Variants in LRRC59 observed in about 807,000 individuals in gnomAD.
The protein encoded by LRRC59 is leucine rich repeat containing 59.
A neutral mutation model predicts 33.5 loss-of-function variants in LRRC59; 18 were observed. That is an observed-to-expected ratio of 0.54 (90% confidence interval 0.37 to 0.80). The LOEUF is 0.80. Ranked by LOEUF, LRRC59 falls within the 30% of genes least tolerant of loss-of-function variation. The pLI, the probability that LRRC59 is intolerant of heterozygous loss-of-function variation, is 0.00. For missense variants in LRRC59, 330 were observed against 391.9 expected (o/e 0.84, Z 1.33); for synonymous variants, 138 against 160.0 (o/e 0.86, Z 1.04).
In LRRC59 at chr17:50,388,044, A is replaced by C. The variant is rs374565084; in HGVS notation, c.502+16T>G. The stretch of plus-strand genomic sequence containing the variant: ...TGAGGACCTGAAAGATAACTACAAG[A>C]GGGACAGCCACCTACCACGTTCTAC... On this transcript the variant is annotated intron_variant, in intron 5 of 6. Transcript: ENST00000225972. 1.4e-5 allele frequency: 22 copies of C among 1,613,740 alleles called. No homozygotes were observed. The African/African-American group carries it at 2.7e-4, about 20-fold the overall frequency.
rs200896643 is a variant in LRRC59 at position 50,397,351 on chromosome 17, G to A, written c.-34C>T. On this transcript the variant is annotated 5_prime_UTR_variant, in exon 1 of 7. Transcript: ENST00000225972. ...CGGCTGAGCGGGCCCCGGCTCCGGGGTTCCGGCGGGTGAAAGGAGCTGAAA... is the reference window on the plus strand; with the variant it reads ...CGGCTGAGCGGGCCCCGGCTCCGGGATTCCGGCGGGTGAAAGGAGCTGAAA... The A allele has an allele frequency of 1.7e-4, 259 of 1,550,044 alleles. 3 individuals are homozygous for A. The Admixed American group carries it at 4.5e-3, about 27-fold the overall frequency.
In LRRC59 at chr17:50,382,626, C is replaced by T. The variant is rs562141195; in HGVS notation, c.*362G>A. On this transcript the variant is annotated 3_prime_UTR_variant, in exon 7 of 7. Coordinates refer to ENST00000225972, the MANE Select transcript of LRRC59 (RefSeq NM_018509.4). ...GAGGAATGAAAGGGTTTGTGGCATA[C>T]AAAAGTATAAATGTAGTGACAGCTG... The T allele has an allele frequency of 8.0e-6, 2 of 250,416 alleles. No homozygotes were observed. Among genetic ancestry groups the T allele is most frequent in the Non-Finnish European group, 1.6e-5 (2 of 128,144 alleles). 15.5% of individuals were successfully genotyped at this position (250,416 alleles called of 1,614,324 possible).
intron 4 of LRRC59, among the ~76,000 whole-genome samples, chr17:50,391,377 A>G (rs1464351701): frequency 1.3e-5 from 2 of 152,212 alleles, no homozygotes; most frequent in African/African-American, 4.8e-5. Flanking sequence ...CTTACTCTCT[A>G]CTTGAGACAG....
intron 1 of LRRC59, 91 bp downstream of exon 1, chr17:50,397,122 G>A: frequency 1.0e-6 from 1 of 976,684 alleles, no homozygotes; most frequent in South Asian, 1.8e-5. Flanking sequence ...AAAGGAAACT[G>A]ATGCTTTTAG....
rs969388670 is a variant in LRRC59 at position 50,397,370 on chromosome 17, G to A, written c.-53C>T. On this transcript the variant is annotated 5_prime_UTR_variant, in exon 1 of 7. Coordinates refer to ENST00000225972, the MANE Select transcript of LRRC59 (RefSeq NM_018509.4). Reference sequence around the variant, plus strand: ...TCCGGGGTTCCGGCGGGTGAAAGGAGCTGAAATGTCGCTTGTCAGTTCAGC... The same window carrying A: ...TCCGGGGTTCCGGCGGGTGAAAGGAACTGAAATGTCGCTTGTCAGTTCAGC... The A allele has an allele frequency of 2.0e-5, 29 of 1,429,176 alleles. No homozygotes were observed. The highest frequency in any genetic ancestry group is 2.7e-5 in the Non-Finnish European group (28 of 1,035,938). The allele number at this position is 1,429,176 out of a possible 1,614,324, so 88.5% of individuals were successfully genotyped here. A position where few individuals can be genotyped will look rare whatever the true frequency, so the allele number is the denominator to read the frequency against.
At chr17:50,391,167 T>C (rs1163642781) in intron 4 of LRRC59, among the ~76,000 whole-genome samples, 1 of 152,212 alleles carries the variant, frequency 6.6e-6, no homozygotes, top group Admixed American at 6.5e-5. Context: ...TACTGTCAGC[T>C]TGCAGAACAG....
intron 1 of LRRC59, 27 bp from the exon 2 acceptor site, chr17:50,395,015 T>C (rs753652514): frequency 2.0e-6 from 3 of 1,527,888 alleles, no homozygotes; most frequent in Non-Finnish European, 2.7e-6. Context: ...GAGAAAAACA[T>C]GTCAGACCAA....
chr17:50,382,640 T>C lies in LRRC59; in HGVS notation c.*348A>G. 1 of 278,240 alleles carries C rather than the reference T, an allele frequency of 3.6e-6. No individual in the cohort carries two copies. The highest frequency in any genetic ancestry group is 4.9e-5 in the South Asian group (1 of 20,600). 17.2% of individuals were successfully genotyped at this position (278,240 alleles called of 1,614,324 possible). On this transcript the variant is annotated 3_prime_UTR_variant, in exon 7 of 7. Coordinates refer to ENST00000225972, the MANE Select transcript of LRRC59 (RefSeq NM_018509.4). ...TTTGTGGCATACAAAAGTATAAATG[T>C]AGTGACAGCTGACCATTTAGTAGAA...
intron 5 of LRRC59, among the ~76,000 whole-genome samples, chr17:50,386,745 G>T (rs1300445375): frequency 6.6e-6 from 1 of 152,186 alleles, no homozygotes; most frequent in Non-Finnish European, 1.5e-5. Flanking sequence ...GGGACTGCCT[G>T]TAATCAGTAC....
chr17:50,394,870 A>C, intron 2 of LRRC59, 59 bp downstream of exon 2: 5 of 1,132,030 alleles, frequency 4.4e-6, no homozygotes, highest in Non-Finnish European at 6.4e-6. Context: ...CAACCCCCGA[A>C]ACAGGAAGGA....
chr17:50,394,448 A>T (rs1914222540), intron 2 of LRRC59, among the ~76,000 whole-genome samples: 1 of 152,188 alleles, frequency 6.6e-6, no homozygotes, highest in Non-Finnish European at 1.5e-5. Context: ...AACTAATTCA[A>T]GTCCTTTGGG....
intron 6 of LRRC59, among the ~76,000 whole-genome samples, chr17:50,383,463 G>T (rs1209483255): frequency 6.6e-6 from 1 of 152,162 alleles, no homozygotes; most frequent in South Asian, 2.1e-4. Flanking sequence ...CGTGTCTCAT[G>T]TAGCTCACAG....
intron 4 of LRRC59, among the ~76,000 whole-genome samples, chr17:50,389,235 C>G (rs16949022): frequency 0.043 from 6,514 of 152,246 alleles, 483 homozygotes; most frequent in African/African-American, 0.15. Flanking sequence ...TCCACATAAA[C>G]TCGCTCATGG....
intron 5 of LRRC59, 80 bp downstream of exon 5, chr17:50,387,980 G>T: frequency 2.1e-6 from 3 of 1,405,924 alleles, no homozygotes; most frequent in Non-Finnish European, 3.0e-6. Flanking sequence ...TACTCTACTG[G>T]ATCCCAGCTC....
intron 4 of LRRC59, among the ~76,000 whole-genome samples, chr17:50,391,594 C>T (rs1484348731): frequency 6.6e-6 from 1 of 152,134 alleles, no homozygotes; most frequent in African/African-American, 2.4e-5. Flanking sequence ...GGTACGGCAC[C>T]TTCCAGGCTA....
Position 50,394,987 on chromosome 17 carries a change from G to A in LRRC59, c.107C>T (p.Ala36Val). The stretch of plus-strand genomic sequence containing the variant: ...CAGGATGGTGGCCTTTGGAAGGGCA[G>A]CCTAGGTAAAAGAGGATGAGAAAAA... ...DLNEVPVKELAALPKATILDL... is the reference protein window; with the variant it reads ...DLNEVPVKELVALPKATILDL... The change falls in exon 2 of 7, where the codon GCT becomes GTT. Residue 36 changes from alanine (A) to valine (V), a missense_variant and splice_region_variant. Transcript: ENST00000225972. The A allele has an allele frequency of 6.2e-7, 1 of 1,607,804 alleles. No homozygotes were observed. The highest frequency in any genetic ancestry group is 1.7e-4 in the Middle Eastern group (1 of 6,032).
chr17:50,393,127 CACACTTCGGTGTA>C (rs1187055346), intron 2 of LRRC59, among the ~76,000 whole-genome samples: 1 of 152,188 alleles, frequency 6.6e-6, no homozygotes, highest in East Asian at 1.9e-4. Flanking sequence ...CTTGGGCTCA[CACACTTCGGTGTA>C]ACAGTCTGGA....
At position 50,382,628 on chromosome 17, in the gene LRRC59, A is replaced by G. The variant is rs1046528769; in HGVS notation, c.*360T>C. On this transcript the variant is annotated 3_prime_UTR_variant, in exon 7 of 7. Transcript: ENST00000225972. ...GGAATGAAAGGGTTTGTGGCATACA[A>G]AAGTATAAATGTAGTGACAGCTGAC... is the stretch of plus-strand genomic sequence containing the variant. The G allele has an allele frequency of 1.6e-5, 4 of 251,600 alleles. No homozygotes were observed. The highest frequency in any genetic ancestry group is 5.7e-5 in the South Asian group (1 of 17,470). The allele number at this position is 251,600 out of a possible 1,614,324, so 15.6% of individuals were successfully genotyped here. A position where few individuals can be genotyped will look rare whatever the true frequency, so the allele number is the denominator to read the frequency against.
chr17:50,385,113 C>T lies in LRRC59; in HGVS notation c.676+5G>A. 1 of 1,612,556 alleles carries T rather than the reference C, an allele frequency of 6.2e-7. No homozygotes were observed. Among genetic ancestry groups the T allele is most frequent in the Non-Finnish European group, 8.5e-7 (1 of 1,179,352 alleles). The stretch of plus-strand genomic sequence containing the variant: ...CTGGAATCTTACAACAGGCAGAAAA[C>T]TTACTCGGGGCCTGATTTGCTTCCT... On this transcript the variant is annotated splice_donor_5th_base_variant and intron_variant, in intron 6 of 6. Coordinates refer to ENST00000225972, the MANE Select transcript of LRRC59 (RefSeq NM_018509.4).
Sources: allele counts gnomAD v4.1 joint callset (sites outside exome capture counted in the v4.1 genomes callset), GRCh38; gene constraint gnomAD v4.1.1; transcripts MANE v1.5; gene names NCBI Gene and HGNC (gene_info 2026-07-23, HGNC 2026-07-21).